YTHDC2: variants seen among roughly 807,000 people sequenced by gnomAD.
YTHDC2 encodes YTH N6-methyladenosine RNA binding protein C2.
In YTHDC2, 45 loss-of-function variants were observed where a neutral mutation model predicts 174.9. That is an observed-to-expected ratio of 0.26 (90% CI 0.20 to 0.33). The LOEUF (loss-of-function observed/expected upper bound fraction) is 0.33, where lower values mean the gene tolerates loss of function less well. Ranked by LOEUF, YTHDC2 falls within the 10% of genes least tolerant of loss-of-function variation. The pLI is 1.00. For synonymous variants in YTHDC2, 657 were observed against 574.5 expected, an observed-to-expected ratio of 1.14 and a Z score of -2.05; for missense variants, 1,650 against 1,723.7, an observed-to-expected ratio of 0.96 and a Z score of 0.76.
chr5:113,574,528 T>C (rs954983665), intron 23 of YTHDC2, among the ~76,000 whole-genome samples: 12 of 152,168 alleles, frequency 7.9e-5, no homozygotes, highest in Admixed American at 4.6e-4. Flanking sequence ...TCATCCAGAC[T>C]GCCTGTATAG....
intron 2 of YTHDC2, among the ~76,000 whole-genome samples, chr5:113,520,083 G>C (rs1218494727): frequency 6.6e-6 from 1 of 152,036 alleles, no homozygotes; most frequent in Non-Finnish European, 1.5e-5. Context: ...CCCTGTGTGT[G>C]ATGTTCCCCC....
intron 23 of YTHDC2, among the ~76,000 whole-genome samples, chr5:113,578,241 G>A (rs1778189747): frequency 6.6e-6 from 1 of 151,980 alleles, no homozygotes. Context: ...TATTCCGGAT[G>A]TAGTGCAGTG....
At chr5:113,514,140 C>A in intron 1 of YTHDC2, 58 bp downstream of exon 1, 1 of 1,554,460 alleles carries the variant, frequency 6.4e-7, no homozygotes, top group Non-Finnish European at 8.7e-7. Flanking sequence ...ACCCCAGCGC[C>A]CCCCAAACGG....
intron 26 of YTHDC2, 48 bp from the exon 27 acceptor site, chr5:113,590,993 T>G: frequency 6.5e-7 from 1 of 1,535,254 alleles, no homozygotes; most frequent in Non-Finnish European, 8.8e-7. Context: ...AGCCTCTTGG[T>G]TTTGAAAGGT....
At chr5:113,543,324 A>T (rs549464713) in intron 10 of YTHDC2, among the ~76,000 whole-genome samples, 26 of 152,308 alleles carry the variant, frequency 1.7e-4, no homozygotes, top group African/African-American at 5.8e-4. Context: ...GGTCACTATC[A>T]TTCACCTAGT....
At chr5:113,539,902 TA>T (rs1239893747) in intron 8 of YTHDC2, among the ~76,000 whole-genome samples, 5 of 151,778 alleles carry the variant, frequency 3.3e-5, no homozygotes, top group Non-Finnish European at 5.9e-5. Flanking sequence ...AAAAAAAAAT[TA>T]AAAAAAAATT....
rs62373769 is a variant in YTHDC2 at position 113,588,179 on chromosome 5, A to G, written c.3826-2862A>G. Among the ~76,000 whole-genome samples, 6 of 151,842 alleles carry G rather than the reference A, an allele frequency of 4.0e-5. No individual in the cohort carries two copies. In the South Asian group the frequency reaches 6.2e-4, roughly 16 times the overall value. On this transcript the variant is annotated intron_variant, in intron 26 of 29. Coordinates refer to ENST00000161863, the MANE Select transcript of YTHDC2 (RefSeq NM_022828.5). The stretch of plus-strand genomic sequence containing the variant: ...GATAATTTTACTCTTTTCCTTTTCA[A>G]TCTGATTGCTGTTTATTTCTTTTTT...
chr5:113,532,371 A>G (rs1181931585), intron 4 of YTHDC2, among the ~76,000 whole-genome samples: 3 of 152,188 alleles, frequency 2.0e-5, no homozygotes, highest in African/African-American at 7.2e-5. Context: ...TTTTGATTTT[A>G]AATCGTTCCA....
chr5:113,532,047 A>T (rs1774709371), intron 4 of YTHDC2, among the ~76,000 whole-genome samples: 1 of 152,210 alleles, frequency 6.6e-6, no homozygotes, highest in Non-Finnish European at 1.5e-5. Flanking sequence ...TTATAATATC[A>T]AGCAACAACA....
At position 113,549,005 on chromosome 5, in the gene YTHDC2, T is replaced by A; in HGVS notation, c.1673T>A (p.Leu558His). 6.2e-7 allele frequency: 1 copy of A among 1,612,734 alleles called. No homozygotes were observed. Among genetic ancestry groups the A allele is most frequent in the Non-Finnish European group, 8.5e-7 (1 of 1,179,170 alleles). The change falls in exon 12 of 30, where the codon CTT becomes CAT. Residue 558 changes from leucine to histidine, a missense_variant. Around this residue, in one of 5 missense-constraint regions of YTHDC2, gnomAD observed 411 missense variants for 380.6 expected, o/e 1.08. Coordinates refer to ENST00000161863, the MANE Select transcript of YTHDC2 (RefSeq NM_022828.5). ...KHFGQTEIVDLLESYSATLEF... is the reference protein window; with the variant it reads ...KHFGQTEIVDHLESYSATLEF... ...TTTGGGCAGACTGAAATTGTGGATCTTCTAGAATCTTACAGGTAAAACTTT... is the reference window on the plus strand; with the variant it reads ...TTTGGGCAGACTGAAATTGTGGATCATCTAGAATCTTACAGGTAAAACTTT...
intron 17 of YTHDC2, among the ~76,000 whole-genome samples, chr5:113,557,411 G>A (rs781474905): frequency 7.9e-5 from 12 of 152,164 alleles, no homozygotes; most frequent in Admixed American, 1.3e-4. Context: ...ATGCCCATGA[G>A]GGCTTTGTTG....
chr5:113,559,630 T>G (rs1210162219), intron 17 of YTHDC2, among the ~76,000 whole-genome samples: 2 of 152,162 alleles, frequency 1.3e-5, no homozygotes, highest in Non-Finnish European at 2.9e-5. Flanking sequence ...TCACAGTTGG[T>G]TCAGGTTACC....
At chr5:113,522,235 C>A (rs894866478) in intron 2 of YTHDC2, among the ~76,000 whole-genome samples, 1 of 147,876 alleles carries the variant, frequency 6.8e-6, no homozygotes, top group Non-Finnish European at 1.5e-5. Context: ...TTGGGCTCTT[C>A]AGCTGATCTT....
intron 6 of YTHDC2, among the ~76,000 whole-genome samples, chr5:113,535,092 G>T (rs1242723086): frequency 6.6e-6 from 1 of 152,006 alleles, no homozygotes; most frequent in African/African-American, 2.4e-5. Context: ...TTTATATTTT[G>T]TGGGAAAAAA....
intron 2 of YTHDC2, among the ~76,000 whole-genome samples, chr5:113,515,706 A>T (rs1347508099): frequency 6.6e-6 from 1 of 152,240 alleles, no homozygotes; most frequent in Non-Finnish European, 1.5e-5. Context: ...ATGCATACAT[A>T]GGGGAGAACT....
intron 6 of YTHDC2, 103 bp from the exon 7 acceptor site, chr5:113,535,539 T>G: frequency 8.8e-7 from 1 of 1,136,250 alleles, no homozygotes; most frequent in Non-Finnish European, 1.2e-6. Flanking sequence ...CTTGTCCACA[T>G]TTAATTTGAA....
intron 23 of YTHDC2, among the ~76,000 whole-genome samples, chr5:113,578,633 G>A (rs1240002582): frequency 6.6e-6 from 1 of 152,018 alleles, no homozygotes; most frequent in African/African-American, 2.4e-5. Flanking sequence ...GACCTGTAGG[G>A]TTTGTGTGGT....
At chr5:113,536,307 C>T (rs142561498) in intron 7 of YTHDC2, among the ~76,000 whole-genome samples, 2,779 of 152,272 alleles carry the variant, frequency 0.018, 35 homozygotes, top group Middle Eastern at 0.034. Context: ...AGGTGGATCA[C>T]GAGTTCAGGA....
At chr5:113,535,205 T>C (rs572836521) in intron 6 of YTHDC2, among the ~76,000 whole-genome samples, 2 of 152,274 alleles carry the variant, frequency 1.3e-5, no homozygotes, top group Non-Finnish European at 2.9e-5. Flanking sequence ...CTGTTGAACA[T>C]GTACAGACTT....
Sources: allele counts gnomAD v4.1 joint callset (sites outside exome capture counted in the v4.1 genomes callset), GRCh38; gene constraint gnomAD v4.1.1; regional missense constraint gnomAD v4.1.1; transcripts MANE v1.5; gene names NCBI Gene and HGNC (gene_info 2026-07-23, HGNC 2026-07-21).